GLRA2: variants seen among roughly 807,000 people sequenced by gnomAD.
The protein encoded by GLRA2 is glycine receptor subunit alpha-2.
A neutral mutation model predicts 31.6 loss-of-function variants in GLRA2; 11 were observed. The observed-to-expected ratio is 0.35, with a 90% confidence interval of 0.22 to 0.58. GLRA2 has a LOEUF of 0.58. GLRA2 is among the 20% of genes least tolerant of loss of function. The probability of loss-of-function intolerance (pLI) is 0.84; values close to 1 mark genes in which losing one functional copy is unlikely to be tolerated. For synonymous variants in GLRA2, 132 were observed against 134.0 expected, an observed-to-expected ratio of 0.99 and a Z score of 0.10; for missense variants, 212 against 351.8, an observed-to-expected ratio of 0.60 and a Z score of 3.18.
the GLRA2 span, among the ~76,000 whole-genome samples, chrX:14,515,733 C>A: frequency 8.9e-6 from 1 of 111,759 alleles, no homozygotes; most frequent in African/African-American, 3.2e-5. Flanking sequence ...CTTACTCATT[C>A]TTTGCCTTTG....
intron 8 of GLRA2, among the ~76,000 whole-genome samples, chrX:14,693,716 T>G (rs1012392080): frequency 1.1e-4 from 12 of 111,910 alleles, no homozygotes; most frequent in African/African-American, 3.6e-4. Context: ...ATAACAAATA[T>G]CAAAACACTG....
chrX:14,571,052 G>C (rs892662526), intron 2 of GLRA2, among the ~76,000 whole-genome samples: 3 of 111,152 alleles, frequency 2.7e-5, no homozygotes, highest in African/African-American at 6.5e-5. Flanking sequence ...AAAGGGAAGG[G>C]GGGAGCAGGA....
intron 2 of GLRA2, among the ~76,000 whole-genome samples, chrX:14,534,123 C>T (rs1190546877): frequency 3.6e-5 from 4 of 110,144 alleles, no homozygotes; most frequent in African/African-American, 9.8e-5. Flanking sequence ...CTGGTTCTTC[C>T]GGGGATATCA....
intron 8 of GLRA2, among the ~76,000 whole-genome samples, chrX:14,712,691 T>G (rs1484524817): frequency 9.5e-6 from 1 of 104,779 alleles, no homozygotes; most frequent in African/African-American, 3.5e-5. Flanking sequence ...ACTGGGGGGG[T>G]TAAGGTCTAA....
At chrX:14,591,487 C>G in intron 4 of GLRA2, among the ~76,000 whole-genome samples, 1 of 111,902 alleles carries the variant, frequency 8.9e-6, no homozygotes. Flanking sequence ...ACATCTAGCA[C>G]AGGAGAAAGA....
At position 14,529,852 on chromosome X, in the gene GLRA2, A is replaced by G; in HGVS notation, c.-206A>G. ...TCTTTCTGGGTTAACTGATGGTCCCAAGCCTCGGTTTGACCTGACCATGAT... is the reference window on the plus strand; with the variant it reads ...TCTTTCTGGGTTAACTGATGGTCCCGAGCCTCGGTTTGACCTGACCATGAT... On this transcript the variant is annotated 5_prime_UTR_variant, in exon 1 of 9. Coordinates refer to ENST00000218075, the MANE Select transcript of GLRA2 (RefSeq NM_002063.4). 2.3e-6 allele frequency: 1 copy of G among 436,033 alleles called. No homozygotes were observed. Among genetic ancestry groups the G allele is most frequent in the Non-Finnish European group, 4.0e-6 (1 of 250,481 alleles). The allele number at this position is 436,033 out of a possible 1,213,427, so 35.9% of individuals were successfully genotyped here.
chrX:14,480,059 A>G, the GLRA2 span, among the ~76,000 whole-genome samples: 49 of 110,840 alleles, frequency 4.4e-4, no homozygotes, highest in African/African-American at 1.6e-3. Flanking sequence ...AATAATAGCC[A>G]CTCTGACTGT....
At chrX:14,646,882 C>T (rs2090837715) in intron 7 of GLRA2, among the ~76,000 whole-genome samples, 1 of 112,113 alleles carries the variant, frequency 8.9e-6, no homozygotes, top group Admixed American at 9.5e-5. Context: ...ACAGTTTACT[C>T]TGGGCTTCCA....
intron 3 of GLRA2, among the ~76,000 whole-genome samples, chrX:14,578,043 C>G (rs1214945470): frequency 9.0e-6 from 1 of 111,704 alleles, no homozygotes; most frequent in Non-Finnish European, 1.9e-5. Context: ...GTTTTGATTT[C>G]TCTACATTTT....
chrX:14,558,376 G>A (rs2089680016), intron 2 of GLRA2, among the ~76,000 whole-genome samples: 1 of 111,751 alleles, frequency 8.9e-6, no homozygotes, highest in African/African-American at 3.2e-5. Flanking sequence ...GAGAATTTTT[G>A]GCAGCTGTTT....
intron 1 of GLRA2, chrX:14,531,076 G>C: frequency 1.0e-6 from 1 of 964,248 alleles, no homozygotes; most frequent in Non-Finnish European, 1.3e-6. Flanking sequence ...AAAAAATATA[G>C]GCTGGTTTTT....
chrX:14,731,705 A>AT lies in GLRA2; in HGVS notation c.*1221dup, dbSNP rs2091995170. The stretch of plus-strand genomic sequence containing the variant: ...AAAAGACGTATTTTTGCTTACTCAG[A>AT]TAAAAGACAACCTGTAAAAATATAA... On this transcript the variant is annotated 3_prime_UTR_variant, in exon 9 of 9. Transcript: ENST00000218075. 8.9e-6 allele frequency: 1 copy of AT among 111,963 alleles called. No homozygotes were observed. Among genetic ancestry groups the AT allele is most frequent in the African/African-American group, 3.3e-5 (1 of 30,736 alleles). The allele number at this position is 111,963 out of a possible 1,213,427, so 9.2% of individuals were successfully genotyped here.
rs748622002 is a variant in GLRA2 at position 14,596,736 on chromosome X, C to T, written c.495-7579C>T. Among the ~76,000 whole-genome samples the T allele has an allele frequency of 3.6e-5, 4 of 111,537 alleles. No individual in the cohort carries two copies. In the East Asian group the frequency reaches 1.1e-3, roughly 31 times the overall value. On this transcript the variant is annotated intron_variant, in intron 4 of 8. Transcript: ENST00000218075. ...TTTCTTAAAACCTTCTCCTTTTTGTCTATCACATTGACAGAAATCAAAGTC... is the reference window on the plus strand; with the variant it reads ...TTTCTTAAAACCTTCTCCTTTTTGTTTATCACATTGACAGAAATCAAAGTC...
At chrX:14,501,091 T>C in the GLRA2 span, among the ~76,000 whole-genome samples, 1 of 105,606 alleles carries the variant, frequency 9.5e-6, no homozygotes, top group Non-Finnish European at 2.0e-5. Context: ...AAAAAAAAGA[T>C]TTATCCTACC....
chrX:14,463,253 G>C, the GLRA2 span, among the ~76,000 whole-genome samples: 1 of 111,248 alleles, frequency 9.0e-6, no homozygotes, highest in African/African-American at 3.3e-5. Flanking sequence ...GCCTGTATGA[G>C]GTGTCTGTCG....
chrX:14,551,264 A>T (rs2089559953), intron 2 of GLRA2, among the ~76,000 whole-genome samples: 1 of 111,966 alleles, frequency 8.9e-6, no homozygotes, highest in Non-Finnish European at 1.9e-5. Flanking sequence ...GCCTATAATC[A>T]TTTCTTAATT....
At chrX:14,728,476 G>T (rs778806600) in intron 8 of GLRA2, among the ~76,000 whole-genome samples, 3 of 112,024 alleles carry the variant, frequency 2.7e-5, no homozygotes, top group African/African-American at 9.7e-5. Context: ...AATGTATCAA[G>T]CAAATGAGGT....
chrX:14,713,862 A>G (rs918168876), intron 8 of GLRA2, among the ~76,000 whole-genome samples: 4 of 111,289 alleles, frequency 3.6e-5, no homozygotes, highest in African/African-American at 1.3e-4. Context: ...TGAGCTGAAG[A>G]TGACCTGATT....
intron 1 of GLRA2, among the ~76,000 whole-genome samples, chrX:14,531,550 TA>T (rs763717539): frequency 2.2e-4 from 24 of 111,451 alleles, no homozygotes; most frequent in African/African-American, 7.5e-4. Context: ...TTTTCATCAA[TA>T]TTTTTTAGAG....
Sources: gnomAD v4.1 joint callset for allele counts (sites outside exome capture counted in the v4.1 genomes callset) on GRCh38, gnomAD v4.1.1 for gene constraint, MANE v1.5 for transcripts, NCBI Gene and HGNC (gene_info 2026-07-23, HGNC 2026-07-21) for gene names.